Variants in GALK2 observed in about 807,000 individuals in gnomAD.
The protein encoded by GALK2 is galactokinase 2, also known as N-acetylgalactosamine kinase.
GALK2 carries 36 observed loss-of-function variants against 52.4 expected under a neutral mutation model. The observed-to-expected ratio is 0.69, with a 90% confidence interval of 0.53 to 0.91. The LOEUF is 0.91. Ranked by LOEUF, GALK2 falls within the 40% of genes least tolerant of loss-of-function variation. GALK2 has a pLI of 0.00. For synonymous variants in GALK2, 176 were observed against 199.1 expected, an observed-to-expected ratio of 0.88 and a Z score of 0.98; for missense variants, 579 against 559.1, an observed-to-expected ratio of 1.04 and a Z score of -0.36.
At chr15:49,348,019 C>CAAAAAAAA (rs67614443) in intron 3 of GALK2, among the ~76,000 whole-genome samples, 2 of 70,100 alleles carry the variant, frequency 2.9e-5, no homozygotes, top group African/African-American at 5.7e-5. Flanking sequence ...AACTCTGTCT[C>CAAAAAAAA]AAAAAAAAAA....
At chr15:49,335,528 A>C, downstream of GALK2, 2 of 1,539,908 alleles carry the variant, frequency 1.3e-6, no homozygotes, top group Non-Finnish European at 1.8e-6. Flanking sequence ...AATGATTTTC[A>C]ATTAGGAACA....
chr15:49,171,120 T>A (rs2085063869), intron 1 of GALK2, among the ~76,000 whole-genome samples: 1 of 150,846 alleles, frequency 6.6e-6, no homozygotes, highest in South Asian at 2.1e-4. Flanking sequence ...TTTGCTCTTG[T>A]TGCCCAGGCT....
intron 5 of GALK2, among the ~76,000 whole-genome samples, chr15:49,262,334 G>A (rs1431714867): frequency 7.9e-5 from 12 of 152,074 alleles, no homozygotes; most frequent in African/African-American, 2.9e-4. Flanking sequence ...CATTTCTTCT[G>A]GATTTTCTAG....
At chr15:49,173,151 CAT>C (rs1566901826) in intron 1 of GALK2, among the ~76,000 whole-genome samples, 2 of 152,146 alleles carry the variant, frequency 1.3e-5, no homozygotes, top group Admixed American at 6.5e-5. Context: ...TGAATGGAAT[CAT>C]ATAAAATGTG....
At chr15:49,244,851 A>G (rs2091270340) in intron 5 of GALK2, among the ~76,000 whole-genome samples, 1 of 152,216 alleles carries the variant, frequency 6.6e-6, no homozygotes, top group African/African-American at 2.4e-5. Flanking sequence ...AGTAAAACAA[A>G]AAAAAAGCCA....
chr15:49,240,679 A>C (rs1017029066), intron 5 of GALK2, among the ~76,000 whole-genome samples: 1 of 152,208 alleles, frequency 6.6e-6, no homozygotes, highest in African/African-American at 2.4e-5. Context: ...GGAAATGTCC[A>C]GAGTAAAAGC....
At chr15:49,325,308 A>G (rs1040160365) in intron 9 of GALK2, among the ~76,000 whole-genome samples, 13 of 152,190 alleles carry the variant, frequency 8.5e-5, no homozygotes, top group African/African-American at 2.4e-4. Context: ...AGTCATCACA[A>G]TCATCAAAGT....
chr15:49,364,113 G>A (rs953323665), intron 3 of GALK2, among the ~76,000 whole-genome samples: 1 of 152,120 alleles, frequency 6.6e-6, no homozygotes, highest in Non-Finnish European at 1.5e-5. Context: ...TTGATATTAG[G>A]ATGATGCTGG....
chr15:49,213,682 A>G (rs989026672), intron 2 of GALK2, among the ~76,000 whole-genome samples: 4 of 152,046 alleles, frequency 2.6e-5, no homozygotes, highest in African/African-American at 9.7e-5. Flanking sequence ...TTTATATTCG[A>G]TGTTATAGTT....
At chr15:49,157,460 T>C (rs1317847234) in intron 1 of GALK2, among the ~76,000 whole-genome samples, 1 of 152,198 alleles carries the variant, frequency 6.6e-6, no homozygotes, top group Non-Finnish European at 1.5e-5. Context: ...AATAATTGTC[T>C]TTACAGTTAT....
intron 8 of GALK2, among the ~76,000 whole-genome samples, chr15:49,303,189 C>T (rs77709352): frequency 0.06 from 9,182 of 152,212 alleles, 550 homozygotes; most frequent in African/African-American, 0.15. Context: ...CGCAGATAAC[C>T]AGGAAATTCC....
chr15:49,255,873 A>G (rs1469548914), intron 5 of GALK2, among the ~76,000 whole-genome samples: 4 of 152,112 alleles, frequency 2.6e-5, no homozygotes, highest in Admixed American at 1.3e-4. Flanking sequence ...CAAATTCTCA[A>G]TTTTGTCAAG....
chr15:49,164,968 TG>T (rs2084775876), intron 1 of GALK2, among the ~76,000 whole-genome samples: 1 of 152,084 alleles, frequency 6.6e-6, no homozygotes, highest in Non-Finnish European at 1.5e-5. Context: ...GTATACTAGA[TG>T]CAGAGTTTGC....
chr15:49,265,618 A>T (rs1282600183), intron 5 of GALK2, among the ~76,000 whole-genome samples: 4 of 152,228 alleles, frequency 2.6e-5, no homozygotes, highest in Non-Finnish European at 2.9e-5. Flanking sequence ...AGGGAGATGA[A>T]CCCAGTACCT....
downstream of GALK2, among the ~76,000 whole-genome samples, chr15:49,334,557 A>G (rs746896606): frequency 6.6e-6 from 1 of 152,102 alleles, no homozygotes; most frequent in Non-Finnish European, 1.5e-5. Flanking sequence ...AAAGGTGTCC[A>G]TCCGTTTTTC....
rs560329532 is a variant in GALK2, at chr15:49,198,114, T to C, written c.54-3048T>C. 9.2e-4 allele frequency among the ~76,000 whole-genome samples: 140 copies of C among 152,332 alleles called. 5 individuals carry two copies. In the South Asian group the frequency reaches 0.028, roughly 30 times the overall value. On this transcript the variant is annotated intron_variant, in intron 1 of 9. Transcript: ENST00000560031. ...TACCCAGTGCACTAACATTACTAAC[T>C]ATCCTGACACAAGCTAAACACTTAA...
At chr15:49,190,315 T>C (rs965186066) in intron 1 of GALK2, among the ~76,000 whole-genome samples, 1 of 152,188 alleles carries the variant, frequency 6.6e-6, no homozygotes, top group Non-Finnish European at 1.5e-5. Flanking sequence ...AAATCGCAAA[T>C]TGCGTCTGGT....
At chr15:49,179,738 A>G (rs931860773) in intron 1 of GALK2, among the ~76,000 whole-genome samples, 1 of 150,832 alleles carries the variant, frequency 6.6e-6, no homozygotes, top group Non-Finnish European at 1.5e-5. Flanking sequence ...ACTTTGGCCA[A>G]TTCCCCATTT....
chr15:49,349,110 T>C (rs1222440370), intron 3 of GALK2, among the ~76,000 whole-genome samples: 5 of 152,202 alleles, frequency 3.3e-5, no homozygotes, highest in East Asian at 3.8e-4. Flanking sequence ...TGGTGAATTG[T>C]AGTCTGTATC....
Sources: allele counts gnomAD v4.1 joint callset (sites outside exome capture counted in the v4.1 genomes callset), GRCh38; gene constraint gnomAD v4.1.1; transcripts MANE v1.5; gene names NCBI Gene and HGNC (gene_info 2026-07-23, HGNC 2026-07-21).